Variants in LAMA4 observed in about 807,000 individuals in gnomAD.
LAMA4 encodes the protein laminin subunit alpha-4.
Under a neutral mutation model 207.1 loss-of-function variants are expected in LAMA4, and 127 were observed. The ratio of observed to expected loss-of-function variants is 0.61; its 90% CI spans 0.53 to 0.71. LAMA4 has a LOEUF of 0.71. Among genes scored for constraint, LAMA4 ranks in the 30% least tolerant of loss-of-function variants. LAMA4 has a pLI of 0.00. For missense variants in LAMA4, 2,093 were observed against 2,246.5 expected (o/e 0.93, Z 1.38); for synonymous variants, 761 against 816.0 (o/e 0.93, Z 1.15).
intron 3 of LAMA4, among the ~76,000 whole-genome samples, chr6:112,209,247 AG>A (rs1784234357): frequency 6.6e-6 from 1 of 152,178 alleles, no homozygotes; most frequent in African/African-American, 2.4e-5. Flanking sequence ...AGAAGAAAAC[AG>A]GCCCATTGTA....
chr6:112,185,608 G>A (rs1782639795), intron 8 of LAMA4, among the ~76,000 whole-genome samples: 1 of 152,110 alleles, frequency 6.6e-6, no homozygotes, highest in South Asian at 2.1e-4. Context: ...ATGGGGAAAG[G>A]GCTCCTTTTT....
rs1459931996 is a variant in LAMA4, at chr6:112,136,194, A to G, written c.3343T>C (p.Phe1115Leu). The G allele has an allele frequency of 6.2e-7, 1 of 1,612,684 alleles. No homozygotes were observed. The highest frequency in any genetic ancestry group is 8.5e-7 in the Non-Finnish European group (1 of 1,178,790). The change falls in exon 25 of 39, where the codon TTC becomes CTC. Residue 1115 changes from phenylalanine (F) to leucine (L), a missense_variant. By Grantham distance (22) the Phe-to-Leu change is conservative (BLOSUM62 0). Around this residue, in one of 3 missense-constraint regions of LAMA4, gnomAD observed 1,704 missense variants for 1,788.4 expected, o/e 0.95. Coordinates refer to ENST00000230538, the MANE Select transcript of LAMA4 (RefSeq NM_001105206.3). ...GYLHVFYDFG[F>L]SGGPVHLEDT... ...TCAAGATGCACAGGGCCACCGCTGA[A>G]TCCAAAATCATAGAACACATGTAGG... is the stretch of plus-strand genomic sequence containing the variant.
chr6:112,134,917 T>C (rs1779246823), intron 25 of LAMA4, among the ~76,000 whole-genome samples: 5 of 107,364 alleles, frequency 4.7e-5, no homozygotes, highest in Non-Finnish European at 9.2e-5. Flanking sequence ...GAAAGAACTA[T>C]AAACAGGTGC....
At chr6:112,180,673 A>G (rs1782303307) in intron 9 of LAMA4, among the ~76,000 whole-genome samples, 1 of 152,194 alleles carries the variant, frequency 6.6e-6, no homozygotes, top group African/African-American at 2.4e-5. Flanking sequence ...TAAAAGGTAG[A>G]TGACGTGAGG....
At position 112,114,743 on chromosome 6, in the gene LAMA4, A is replaced by T; in HGVS notation, c.5126T>A (p.Val1709Asp). Residue 1709 changes from valine (V) to aspartate (D), a missense_variant, in exon 37 of 39, where the codon GTC (valine) becomes GAC (aspartate). By Grantham distance (152) the Val-to-Asp change is radical. Transcript: ENST00000230538. ...GGAAAAATCTCTGATGCCATTATTG[A>T]CTTTCACTATGACCTGCAAAAGATA... ...HMKNGQVIVK[V>D]NNGIRDFSTS... 6.2e-7 allele frequency: 1 copy of T among 1,609,628 alleles called. No individual in the cohort carries two copies. Among genetic ancestry groups the T allele is most frequent in the Non-Finnish European group, 8.5e-7 (1 of 1,176,094 alleles).
intron 6 of LAMA4, among the ~76,000 whole-genome samples, chr6:112,190,073 T>C (rs1022425710): frequency 2.0e-5 from 3 of 152,234 alleles, no homozygotes; most frequent in African/African-American, 4.8e-5. Context: ...ATTTATTACA[T>C]TTCATCTGTT....
Position 112,120,492 on chromosome 6 carries a change from G to T in LAMA4, c.4476-20C>A. The T allele has an allele frequency of 6.3e-7, 1 of 1,580,690 alleles. No individual in the cohort carries two copies. The highest frequency in any genetic ancestry group is 8.7e-7 in the Non-Finnish European group (1 of 1,150,252). ...TGAGATCTGGTAAATGAAAAGAAAGGGATTACCATATGTAAAATGAGACTG... is the reference window on the plus strand; with the variant it reads ...TGAGATCTGGTAAATGAAAAGAAAGTGATTACCATATGTAAAATGAGACTG... On this transcript the variant is annotated intron_variant, in intron 32 of 38. Coordinates refer to ENST00000230538, the MANE Select transcript of LAMA4 (RefSeq NM_001105206.3).
chr6:112,247,470 A>G (rs1787067727), intron 2 of LAMA4, among the ~76,000 whole-genome samples: 1 of 152,226 alleles, frequency 6.6e-6, no homozygotes, highest in African/African-American at 2.4e-5. Flanking sequence ...AATTTGAGTC[A>G]GCAATTTCAC....
chr6:112,212,045 G>C (rs546415015), intron 3 of LAMA4, among the ~76,000 whole-genome samples: 73 of 152,124 alleles, frequency 4.8e-4, no homozygotes, highest in Non-Finnish European at 8.2e-4. Context: ...TGAATTGGTA[G>C]GATATGATGT....
At chr6:112,148,617 C>T (rs536619964) in intron 17 of LAMA4, among the ~76,000 whole-genome samples, 1 of 152,156 alleles carries the variant, frequency 6.6e-6, no homozygotes, top group South Asian at 2.1e-4. Context: ...AAATTAATTG[C>T]AAATATCACT....
chr6:112,144,996 T>C lies in LAMA4; in HGVS notation c.2354-63A>G, dbSNP rs1346890104. On this transcript the variant is annotated intron_variant, in intron 18 of 38. Transcript: ENST00000230538. ...TCAATATTATATTTCAAGAATCAGA[T>C]GTAGACAATAAACATGGATTACATA... 12 of 1,411,806 alleles carry C rather than the reference T, an allele frequency of 8.5e-6. No homozygotes were observed. In the Admixed American group the frequency reaches 2.2e-4, roughly 26 times the overall value. 87.5% of individuals were successfully genotyped at this position (1,411,806 alleles called of 1,614,324 possible). A position where few individuals can be genotyped will look rare whatever the true frequency, so the allele number is the denominator to read the frequency against.
chr6:112,142,510 T>G (rs1554333598), intron 19 of LAMA4, among the ~76,000 whole-genome samples: 1 of 152,040 alleles, frequency 6.6e-6, no homozygotes, highest in East Asian at 1.9e-4. Flanking sequence ...AAGTGGTGAC[T>G]AAGTAGATCC....
intron 15 of LAMA4, among the ~76,000 whole-genome samples, 189 bp from the exon 16 acceptor site, chr6:112,155,136 G>A (rs931325186): frequency 2.0e-5 from 3 of 152,104 alleles, no homozygotes; most frequent in Admixed American, 6.5e-5. Flanking sequence ...CATTTTCAAG[G>A]TAATGTTTTT....
Position 112,119,263 on chromosome 6 carries a change from G to A in LAMA4, c.4714C>T (p.Leu1572Phe). Residue 1572 changes from leucine to phenylalanine, a missense_variant, in exon 34 of 39, where the codon CTC (leucine) becomes TTC (phenylalanine). By Grantham distance (22) the Leu-to-Phe change is conservative. Coordinates refer to ENST00000230538, the MANE Select transcript of LAMA4 (RefSeq NM_001105206.3). Reference sequence around the variant, plus strand: ...GGAAGACTTTCTTCTAGGACTCGGAGACCATCAATTACCAGTCGGCCACTG... The same window carrying A: ...GGAAGACTTTCTTCTAGGACTCGGAAACCATCAATTACCAGTCGGCCACTG... ...RSSGRLVIDG[L>F]RVLEESLPPT... is the part of the protein sequence containing the mutation. The A allele has an allele frequency of 1.2e-6, 2 of 1,613,998 alleles. No individual in the cohort carries two copies. Among genetic ancestry groups the A allele is most frequent in the Non-Finnish European group, 1.7e-6 (2 of 1,179,908 alleles).
intron 29 of LAMA4, 140 bp downstream of exon 29, chr6:112,130,828 G>T: frequency 2.5e-6 from 2 of 802,744 alleles, no homozygotes; most frequent in Admixed American, 4.4e-5. Flanking sequence ...ATTTTTTTGA[G>T]GAAGATAAGT....
chr6:112,131,435 G>T (rs1490663658), intron 28 of LAMA4, among the ~76,000 whole-genome samples: 2 of 151,974 alleles, frequency 1.3e-5, no homozygotes, highest in African/African-American at 4.8e-5. Context: ...TGATATTTGG[G>T]TCTCCTTGGG....
chr6:112,158,920 G>T, intron 13 of LAMA4, 40 bp from the exon 14 acceptor site: 1 of 1,403,232 alleles, frequency 7.1e-7, no homozygotes, highest in Non-Finnish European at 1.0e-6. Context: ...GAATTTAGAA[G>T]AACTTAAAAC....
intron 13 of LAMA4, chr6:112,159,363 T>C (rs1306909648): frequency 1.8e-5 from 3 of 169,440 alleles, no homozygotes; most frequent in Admixed American, 5.8e-5. Context: ...CTAATGGACA[T>C]CATTCAGTTT....
intron 4 of LAMA4, among the ~76,000 whole-genome samples, chr6:112,204,817 A>G (rs1554353669): frequency 1.3e-5 from 2 of 152,212 alleles, no homozygotes; most frequent in Non-Finnish European, 1.5e-5. Context: ...TGCACATGTT[A>G]TTAATACTAT....
Sources: allele counts gnomAD v4.1 joint callset (sites outside exome capture counted in the v4.1 genomes callset), GRCh38; gene constraint gnomAD v4.1.1; regional missense constraint gnomAD v4.1.1; transcripts MANE v1.5; gene names NCBI Gene and HGNC (gene_info 2026-07-23, HGNC 2026-07-21).